Variants in PRKG1 observed in about 807,000 individuals in gnomAD.
The protein encoded by PRKG1 is protein kinase cGMP-dependent 1.
Under a neutral mutation model 88.1 loss-of-function variants are expected in PRKG1, and 35 were observed. The ratio of observed to expected loss-of-function variants is 0.40; its 90% CI spans 0.30 to 0.53. The LOEUF is 0.53. Ranked by LOEUF, PRKG1 falls within the 20% of genes least tolerant of loss-of-function variation. PRKG1 has a pLI of 0.59. For missense variants in PRKG1, 540 were observed against 839.8 expected (o/e 0.64, Z 4.41); for synonymous variants, 303 against 292.5 (o/e 1.04, Z -0.37).
chr10:51,149,859 G>T (rs1399037927), intron 1 of PRKG1, among the ~76,000 whole-genome samples: 2 of 151,912 alleles, frequency 1.3e-5, no homozygotes, highest in African/African-American at 4.8e-5. Flanking sequence ...ACACACCATG[G>T]CTTCCTCCGC....
chr10:51,339,894 A>G (rs558101432), intron 2 of PRKG1, among the ~76,000 whole-genome samples: 81 of 152,164 alleles, frequency 5.3e-4, no homozygotes, highest in African/African-American at 1.9e-3. Flanking sequence ...GTCATCTCTG[A>G]TTATTTCCTA....
At chr10:51,197,526 G>A (rs920827809) in intron 2 of PRKG1, among the ~76,000 whole-genome samples, 3 of 151,818 alleles carry the variant, frequency 2.0e-5, no homozygotes, top group East Asian at 1.9e-4. Context: ...TGCCCACTTC[G>A]GCCTCCCAAA....
chr10:51,326,006 C>A (rs1841584311), intron 2 of PRKG1, among the ~76,000 whole-genome samples: 1 of 152,208 alleles, frequency 6.6e-6, no homozygotes, highest in Admixed American at 6.5e-5. Context: ...AGGTGCCAAG[C>A]AACCTTAGAA....
chr10:51,178,504 G>C (rs1029434609), intron 2 of PRKG1, among the ~76,000 whole-genome samples: 1 of 152,088 alleles, frequency 6.6e-6, no homozygotes, highest in African/African-American at 2.4e-5. Flanking sequence ...AGGCATGGTG[G>C]TGGGCACTTA....
At chr10:52,032,195 C>T (rs528545434) in intron 5 of PRKG1, among the ~76,000 whole-genome samples, 2 of 152,238 alleles carry the variant, frequency 1.3e-5, no homozygotes, top group East Asian at 1.9e-4. Flanking sequence ...TTTGTGTCTG[C>T]GTAGTTTTTC....
At chr10:51,001,723 A>G (rs1842891679) in intron 1 of PRKG1, among the ~76,000 whole-genome samples, 1 of 152,178 alleles carries the variant, frequency 6.6e-6, no homozygotes, top group African/African-American at 2.4e-5. Context: ...TAAATGTAGG[A>G]AAAACAACAA....
chr10:51,420,900 G>A (rs960936668), intron 2 of PRKG1, among the ~76,000 whole-genome samples: 1 of 152,136 alleles, frequency 6.6e-6, no homozygotes, highest in African/African-American at 2.4e-5. Flanking sequence ...AAGAGAGGGA[G>A]TGGGGAGGTG....
chr10:51,687,076 C>A (rs531775629), intron 3 of PRKG1, among the ~76,000 whole-genome samples: 1 of 152,132 alleles, frequency 6.6e-6, no homozygotes, highest in East Asian at 1.9e-4. Context: ...ACTTGAAAGG[C>A]CTTGATTTGA....
At chr10:51,901,019 T>C (rs1841967740) in intron 4 of PRKG1, among the ~76,000 whole-genome samples, 1 of 152,314 alleles carries the variant, frequency 6.6e-6, no homozygotes. Flanking sequence ...GTTATTTATC[T>C]TTTTCTATGG....
intron 3 of PRKG1, among the ~76,000 whole-genome samples, chr10:51,583,846 T>G (rs1167449667): frequency 6.6e-6 from 1 of 152,102 alleles, no homozygotes; most frequent in East Asian, 1.9e-4. Context: ...TAGGATTAAT[T>G]CACAATATTT....
At chr10:51,213,855 AGTTG>A (rs989978288) in intron 2 of PRKG1, among the ~76,000 whole-genome samples, 11 of 152,088 alleles carry the variant, frequency 7.2e-5, no homozygotes, top group African/African-American at 1.2e-4. Context: ...CAGAATGGGA[AGTTG>A]TTTTATTCAT....
intron 3 of PRKG1, among the ~76,000 whole-genome samples, chr10:51,577,012 A>G (rs978666151): frequency 6.6e-6 from 1 of 152,016 alleles, no homozygotes; most frequent in Non-Finnish European, 1.5e-5. Context: ...TAAAAAATAG[A>G]ACTATCATAC....
At chr10:51,268,971 G>A (rs984285859) in intron 2 of PRKG1, among the ~76,000 whole-genome samples, 3 of 152,014 alleles carry the variant, frequency 2.0e-5, no homozygotes, top group Non-Finnish European at 4.4e-5. Context: ...CCTTCCATTC[G>A]GGGTCCCTGA....
chr10:51,935,091 C>T (rs1183331923), intron 5 of PRKG1, among the ~76,000 whole-genome samples: 1 of 152,080 alleles, frequency 6.6e-6, no homozygotes, highest in South Asian at 2.1e-4. Flanking sequence ...CCTCTTCCTG[C>T]CCATGGGGTA....
intron 4 of PRKG1, among the ~76,000 whole-genome samples, chr10:51,904,345 A>G (rs1842041662): frequency 6.6e-6 from 1 of 152,088 alleles, no homozygotes; most frequent in African/African-American, 2.4e-5. Context: ...AGAAAACTTT[A>G]TTTTGAATTA....
intron 3 of PRKG1, among the ~76,000 whole-genome samples, chr10:51,565,829 A>G (rs1837588626): frequency 6.6e-6 from 1 of 152,104 alleles, no homozygotes; most frequent in Admixed American, 6.6e-5. Context: ...TATTTATATC[A>G]GAATATGTGG....
At chr10:51,566,386 T>C (rs1324802528) in intron 3 of PRKG1, among the ~76,000 whole-genome samples, 1 of 152,114 alleles carries the variant, frequency 6.6e-6, no homozygotes, top group Non-Finnish European at 1.5e-5. Flanking sequence ...TATGTACTCA[T>C]TTCTGAGTAA....
At chr10:51,679,804 T>C (rs1840801654) in intron 3 of PRKG1, among the ~76,000 whole-genome samples, 1 of 144,634 alleles carries the variant, frequency 6.9e-6, no homozygotes, top group Admixed American at 7.0e-5. Context: ...TCATGTGCCA[T>C]GCTGATGCGC....
At chr10:52,128,811 G>C (rs1564481280) in intron 7 of PRKG1, among the ~76,000 whole-genome samples, 1 of 152,072 alleles carries the variant, frequency 6.6e-6, no homozygotes, top group Non-Finnish European at 1.5e-5. Flanking sequence ...TAATACAGAG[G>C]CACAGAACTA....
Sources: allele counts gnomAD v4.1 joint callset (sites outside exome capture counted in the v4.1 genomes callset), GRCh38; gene constraint gnomAD v4.1.1; transcripts MANE v1.5; gene names NCBI Gene and HGNC (gene_info 2026-07-23, HGNC 2026-07-21).